The following EEPD1 variants were observed in gnomAD, a reference collection of about 807,000 sequenced individuals.
The protein encoded by EEPD1 is endonuclease/exonuclease/phosphatase family domain-containing protein 1.
EEPD1 carries 17 observed loss-of-function variants against 46.3 expected under a neutral mutation model. The observed-to-expected ratio is 0.37, with a 90% CI of 0.25 to 0.55. The LOEUF (loss-of-function observed/expected upper bound fraction) is 0.55, where lower values mean the gene tolerates loss of function less well. Ranked by LOEUF, EEPD1 falls within the 20% of genes least tolerant of loss-of-function variation. The probability of loss-of-function intolerance (pLI) is 0.83; values close to 1 mark genes in which losing one functional copy is unlikely to be tolerated. For missense variants in EEPD1, 673 were observed against 745.6 expected, an observed-to-expected ratio of 0.90 and a Z score of 1.13; for synonymous variants, 313 against 315.6, an observed-to-expected ratio of 0.99 and a Z score of 0.09.
At chr7:36,243,528 C>A (rs1171417000) in intron 3 of EEPD1, among the ~76,000 whole-genome samples, 1 of 152,142 alleles carries the variant, frequency 6.6e-6, no homozygotes, top group East Asian at 1.9e-4. Context: ...GACAACCGGC[C>A]TTTGAGTTTT....
At chr7:36,272,662 A>G (rs1265758356) in intron 3 of EEPD1, among the ~76,000 whole-genome samples, 2 of 152,108 alleles carry the variant, frequency 1.3e-5, no homozygotes, top group African/African-American at 4.8e-5. Flanking sequence ...GGTTCTGTAA[A>G]AGCAGCTAAT....
chr7:36,229,081 C>G (rs997336092), intron 2 of EEPD1, among the ~76,000 whole-genome samples: 6 of 152,190 alleles, frequency 3.9e-5, no homozygotes, highest in African/African-American at 1.4e-4. Context: ...TGCGGAAACC[C>G]CTTCCCTGTC....
intron 4 of EEPD1, among the ~76,000 whole-genome samples, chr7:36,281,776 G>C (rs1787264515): frequency 6.6e-6 from 1 of 152,074 alleles, no homozygotes; most frequent in Admixed American, 6.6e-5. Flanking sequence ...TTCAAGGCCA[G>C]ATTTATTCAC....
rs1182996718 is a variant in EEPD1 at position 36,155,055 on chromosome 7, C to T, written c.731C>T (p.Thr244Ile). 2 of 1,597,588 alleles carry T rather than the reference C, an allele frequency of 1.3e-6. No homozygotes were observed. Among genetic ancestry groups the T allele is most frequent in the South Asian group, 2.3e-5 (2 of 88,642 alleles). The change falls in exon 2 of 8, where the codon ACT becomes ATT. Residue 244 changes from threonine (T) to isoleucine (I), a missense_variant. Physicochemically the swap from Thr to Ile is moderately conservative, Grantham distance 89. Transcript: ENST00000242108. The part of the protein sequence containing the change: ...PPGGPTQIIS[T>I]RPSVEAFGGT... ...GGGGGGCCCACCCAGATTATCTCCA[C>T]TCGGCCGTCCGTGGAGGCCTTTGGA...
At chr7:36,273,113 G>A (rs937670315) in intron 3 of EEPD1, among the ~76,000 whole-genome samples, 4 of 142,846 alleles carry the variant, frequency 2.8e-5, no homozygotes, top group African/African-American at 1.0e-4. Context: ...AAGTTGGAAT[G>A]CATTTGGTGC....
intron 3 of EEPD1, among the ~76,000 whole-genome samples, chr7:36,241,908 T>G (rs936313207): frequency 6.6e-6 from 1 of 152,190 alleles, no homozygotes; most frequent in African/African-American, 2.4e-5. Flanking sequence ...TTTTGAGCTG[T>G]GTGTACACCT....
Position 36,193,132 on chromosome 7 carries a change from G to A in EEPD1, c.878+37930G>A, listed in dbSNP as rs139638827. On this transcript the variant is annotated intron_variant, in intron 2 of 7. Coordinates refer to ENST00000242108, the MANE Select transcript of EEPD1 (RefSeq NM_030636.3). This position sits in a 1 kb window ranked among gnomAD's most constrained non-coding sequence, Gnocchi z 4.9. ...AGGCAAGCCGGGCACAGAGCAGTGC[G>A]TCATGATGGGGGCACAGGATTCCGT... 2.1e-3 allele frequency among the ~76,000 whole-genome samples: 323 copies of A among 152,324 alleles called. 9 individuals are homozygous for A. The East Asian group carries it at 0.05, about 23-fold the overall frequency.
intron 2 of EEPD1, among the ~76,000 whole-genome samples, chr7:36,164,367 A>G (rs1371549687): frequency 6.6e-6 from 1 of 152,240 alleles, no homozygotes; most frequent in East Asian, 1.9e-4. Flanking sequence ...GGACAGGCAC[A>G]GTTGACTCTC....
intron 2 of EEPD1, among the ~76,000 whole-genome samples, chr7:36,222,717 A>G (rs1311197965): frequency 6.6e-6 from 1 of 152,156 alleles, no homozygotes; most frequent in Non-Finnish European, 1.5e-5. Flanking sequence ...CCCATTTCCT[A>G]GTTCATAGAT....
At chr7:36,251,287 T>C (rs1786735559) in intron 3 of EEPD1, among the ~76,000 whole-genome samples, 1 of 152,124 alleles carries the variant, frequency 6.6e-6, no homozygotes, top group African/African-American at 2.4e-5. Flanking sequence ...TCTTCTTTCC[T>C]CTACTGGTAG....
intron 2 of EEPD1, 89 bp downstream of exon 2, chr7:36,155,291 G>A (rs1442272655): frequency 1.1e-5 from 15 of 1,400,688 alleles, no homozygotes; most frequent in Non-Finnish European, 1.4e-5. Flanking sequence ...ATTCTTTTGC[G>A]GGTAGGGAGG....
At chr7:36,284,651 C>G in intron 4 of EEPD1, 35 bp from the exon 5 acceptor site, 1 of 1,600,052 alleles carries the variant, frequency 6.2e-7, no homozygotes, top group Non-Finnish European at 8.5e-7. Flanking sequence ...CGCTAGGGCT[C>G]TGGCACCAAG....
chr7:36,222,775 CT>C (rs1786167983), intron 2 of EEPD1, among the ~76,000 whole-genome samples: 1 of 152,158 alleles, frequency 6.6e-6, no homozygotes, highest in African/African-American at 2.4e-5. Context: ...CAAAGCAGCT[CT>C]CTTCGTGCCT....
At chr7:36,242,526 G>C (rs933951007) in intron 3 of EEPD1, among the ~76,000 whole-genome samples, 3 of 152,116 alleles carry the variant, frequency 2.0e-5, no homozygotes, top group Admixed American at 6.6e-5. Context: ...AACATTTCTT[G>C]AAAAGTTCAG....
rs1469250314 is a variant in EEPD1, at chr7:36,154,368, C to T, written c.44C>T (p.Pro15Leu). 1 of 1,613,482 alleles carries T rather than the reference C, an allele frequency of 6.2e-7. No individual in the cohort carries two copies. Among genetic ancestry groups the T allele is most frequent in the Non-Finnish European group, 8.5e-7 (1 of 1,180,036 alleles). ...LGCHRSIPRD[P>L]SDLSHSRKFS... ...TGCCACCGCTCCATCCCCAGGGACC[C>T]CTCGGACCTGTCCCATAGCCGCAAG... Residue 15 changes from proline (P) to leucine (L), a missense_variant, in exon 2 of 8, where the codon CCC becomes CTC. By Grantham distance (98) the Pro-to-Leu change is moderately conservative. Coordinates refer to ENST00000242108, the MANE Select transcript of EEPD1 (RefSeq NM_030636.3). The surrounding 1 kb of genome is among the most constrained non-coding windows in gnomAD (Gnocchi z 4.2).
intron 2 of EEPD1, among the ~76,000 whole-genome samples, chr7:36,214,782 A>G (rs1174515320): frequency 6.6e-6 from 1 of 152,236 alleles, no homozygotes; most frequent in Non-Finnish European, 1.5e-5. Context: ...GCTTCCCAGC[A>G]GGAATGGATG....
intron 2 of EEPD1, among the ~76,000 whole-genome samples, chr7:36,192,412 G>A (rs1228879489): frequency 1.3e-5 from 2 of 152,178 alleles, no homozygotes; most frequent in Non-Finnish European, 2.9e-5. Flanking sequence ...AGGGAGTTCT[G>A]TCTGCCTGCT....
chr7:36,297,195 A>C lies in EEPD1; in HGVS notation c.1510+8A>C, dbSNP rs745771307. ...TAAAGAAGGTTTTCACAGGTGAGGCAGAACTCACTTGTCCTTTCTCCTGTT... is the reference window on the plus strand; with the variant it reads ...TAAAGAAGGTTTTCACAGGTGAGGCCGAACTCACTTGTCCTTTCTCCTGTT... On this transcript the variant is annotated splice_region_variant and intron_variant, in intron 7 of 7. Transcript: ENST00000242108. The C allele has an allele frequency of 6.2e-7, 1 of 1,613,592 alleles. No homozygotes were observed.
At chr7:36,268,396 T>C (rs775042206) in intron 3 of EEPD1, among the ~76,000 whole-genome samples, 4 of 152,140 alleles carry the variant, frequency 2.6e-5, no homozygotes, top group Non-Finnish European at 4.4e-5. Flanking sequence ...CCTGACCTCA[T>C]GATCCACCCA....
Sources: gnomAD v4.1 joint callset for allele counts (sites outside exome capture counted in the v4.1 genomes callset) on GRCh38, gnomAD v4.1.1 for gene constraint, Gnocchi (gnomAD v3.1) non-coding constraint, MANE v1.5 for transcripts, NCBI Gene and HGNC (gene_info 2026-07-23, HGNC 2026-07-21) for gene names.